The following PLEKHA2 variants were observed in gnomAD, a reference collection of about 807,000 sequenced individuals.
PLEKHA2 encodes the protein pleckstrin homology domain containing A2, also known as pleckstrin homology domain-containing family A member 2.
A neutral mutation model predicts 53.2 loss-of-function variants in PLEKHA2; 28 were observed. The observed-to-expected ratio is 0.53, with a 90% CI of 0.39 to 0.72. The LOEUF is 0.72. Among genes scored for constraint, PLEKHA2 ranks in the 30% least tolerant of loss-of-function variants. The pLI is 0.00. For missense variants in PLEKHA2, 426 were observed against 537.9 expected, an observed-to-expected ratio of 0.79 and a Z score of 2.06; for synonymous variants, 193 against 196.4, an observed-to-expected ratio of 0.98 and a Z score of 0.14.
intron 3 of PLEKHA2, among the ~76,000 whole-genome samples, chr8:38,940,524 A>G (rs1372443905): frequency 6.6e-6 from 1 of 151,990 alleles, no homozygotes; most frequent in African/African-American, 2.4e-5. Context: ...AACAACCAGG[A>G]GTTATGGACC....
rs535798279 is a variant in PLEKHA2, at chr8:38,950,671, G to T, written c.346-179G>T. On this transcript the variant is annotated intron_variant, in intron 5 of 11. Coordinates refer to ENST00000617275, the MANE Select transcript of PLEKHA2 (RefSeq NM_021623.2). ...CAGTTTGTATCTGTGTAGGGGGAGGGCGTTGCTGGTTGAGATGCTCATATT... is the reference window on the plus strand; with the variant it reads ...CAGTTTGTATCTGTGTAGGGGGAGGTCGTTGCTGGTTGAGATGCTCATATT... 5 of 635,556 alleles carry T rather than the reference G, an allele frequency of 7.9e-6. No individual in the cohort carries two copies. The Admixed American group carries it at 1.3e-4, about 16-fold the overall frequency. The allele number at this position is 635,556 out of a possible 1,614,324, so 39.4% of individuals were successfully genotyped here.
chr8:38,944,328 A>G (rs1478856050), intron 4 of PLEKHA2, among the ~76,000 whole-genome samples: 1 of 152,054 alleles, frequency 6.6e-6, no homozygotes, highest in Non-Finnish European at 1.5e-5. Flanking sequence ...CAGCCTGGCC[A>G]ACATAGTGAA....
At chr8:38,919,715 A>G (rs1035881799) in intron 2 of PLEKHA2, among the ~76,000 whole-genome samples, 15 of 152,202 alleles carry the variant, frequency 9.9e-5, no homozygotes, top group Admixed American at 7.2e-4. Context: ...CGGAAAACAT[A>G]CTCAGAAAGT....
In PLEKHA2 at chr8:38,973,739, G is replaced by A. The variant is rs1835295257; in HGVS notation, c.*3956G>A. On this transcript the variant is annotated 3_prime_UTR_variant, in exon 12 of 12. Transcript: ENST00000617275. ...TTATGAAGGGGTAGCATGATTCTGT[G>A]TTTTAAAGCAGTGATGTTTCAGCTG... 1 of 160,696 alleles carries A rather than the reference G, an allele frequency of 6.2e-6. No individual in the cohort carries two copies. The highest frequency in any genetic ancestry group is 6.6e-5 in the Admixed American group (1 of 15,212). The allele number at this position is 160,696 out of a possible 1,614,324, so 10.0% of individuals were successfully genotyped here.
chr8:38,928,815 G>A (rs969306311), intron 2 of PLEKHA2, among the ~76,000 whole-genome samples: 6 of 152,148 alleles, frequency 3.9e-5, no homozygotes, highest in African/African-American at 9.7e-5. Flanking sequence ...TCAGCGTGTC[G>A]TGTGTCCCCG....
At chr8:38,934,673 G>A (rs1834459287) in intron 2 of PLEKHA2, among the ~76,000 whole-genome samples, 1 of 152,160 alleles carries the variant, frequency 6.6e-6, no homozygotes, top group Non-Finnish European at 1.5e-5. Context: ...GCCAAAGATG[G>A]TGTGCCAGGG....
chr8:38,928,958 G>A (rs1045462018), intron 2 of PLEKHA2, among the ~76,000 whole-genome samples: 1 of 152,218 alleles, frequency 6.6e-6, no homozygotes, highest in Non-Finnish European at 1.5e-5. Flanking sequence ...GGTTGCTCAT[G>A]TCAGGGTGAG....
chr8:38,943,023 C>T (rs1323520833), intron 3 of PLEKHA2, among the ~76,000 whole-genome samples: 4 of 152,146 alleles, frequency 2.6e-5, no homozygotes, highest in Non-Finnish European at 5.9e-5. Context: ...TGCTTCATCT[C>T]TCTGAGTGTT....
At chr8:38,958,846 CAA>C (rs993499559) in intron 10 of PLEKHA2, among the ~76,000 whole-genome samples, 81 of 152,168 alleles carry the variant, frequency 5.3e-4, no homozygotes, top group African/African-American at 1.9e-3. Flanking sequence ...ATCCCGAACC[CAA>C]GAGAGAGAGA....
Position 38,968,678 on chromosome 8 carries a change from C to T in PLEKHA2, c.915+9C>T, listed in dbSNP as rs563792057. ...TCAAGTGCCACCCCAGAGTAAGTCA[C>T]TTCCTTTCTGTTGCACAGTGTCAAC... On this transcript the variant is annotated intron_variant, in intron 11 of 11. Coordinates refer to ENST00000617275, the MANE Select transcript of PLEKHA2 (RefSeq NM_021623.2). The T allele has an allele frequency of 4.0e-4, 641 of 1,613,818 alleles. 10 individuals are homozygous for T. In the South Asian group the frequency reaches 6.8e-3, roughly 17 times the overall value.
At chr8:38,953,869 A>C (rs888696874) in intron 9 of PLEKHA2, among the ~76,000 whole-genome samples, 1 of 152,060 alleles carries the variant, frequency 6.6e-6, no homozygotes, top group African/African-American at 2.4e-5. Context: ...TGTTACTCCC[A>C]CTGGGAAGGA....
intron 3 of PLEKHA2, among the ~76,000 whole-genome samples, chr8:38,938,695 G>A (rs1286274487): frequency 6.6e-6 from 1 of 152,174 alleles, no homozygotes; most frequent in African/African-American, 2.4e-5. Context: ...CTGCTGGGGT[G>A]TTCACAGGAC....
At chr8:38,920,094 C>T (rs550576030) in intron 2 of PLEKHA2, among the ~76,000 whole-genome samples, 7 of 152,176 alleles carry the variant, frequency 4.6e-5, no homozygotes, top group African/African-American at 1.4e-4. Context: ...GCCTCAGCCT[C>T]CTCAGTAGCT....
rs182525040 is a variant in PLEKHA2 at position 38,936,175 on chromosome 8, C to T, written c.198+125C>T. On this transcript the variant is annotated intron_variant, in intron 3 of 11. Coordinates refer to ENST00000617275, the MANE Select transcript of PLEKHA2 (RefSeq NM_021623.2). ...ACGTTGCATGGTGTTGAAATGCTCC[C>T]CTGAACCCACACAATGCCTGTGGAG... 3.1e-5 allele frequency: 31 copies of T among 988,978 alleles called. No homozygotes were observed. The African/African-American group carries it at 4.5e-4, about 14-fold the overall frequency. The allele number at this position is 988,978 out of a possible 1,614,324, so 61.3% of individuals were successfully genotyped here. A position where few individuals can be genotyped will look rare whatever the true frequency, so the allele number is the denominator to read the frequency against.
chr8:38,906,318 G>A (rs770795181), intron 1 of PLEKHA2, among the ~76,000 whole-genome samples: 3 of 152,376 alleles, frequency 2.0e-5, no homozygotes, highest in Non-Finnish European at 4.4e-5. Context: ...TGAGGCTGCT[G>A]TGAAGAGAGG....
rs139008320 is a variant in PLEKHA2, at chr8:38,961,012, A to G, written c.837+3626A>G. The G allele has an allele frequency of 4.6e-5, 7 of 152,354 alleles. No homozygotes were observed. The East Asian group carries it at 1.2e-3, about 25-fold the overall frequency. 9.4% of individuals were successfully genotyped at this position (152,354 alleles called of 1,614,324 possible). A position where few individuals can be genotyped will look rare whatever the true frequency, so the allele number is the denominator to read the frequency against. On this transcript the variant is annotated intron_variant, in intron 10 of 11. Transcript: ENST00000617275. Reference sequence around the variant, plus strand: ...GATATTCAAAATGTTGACACATTTTATTATGTACTATCCAAAATCACATCA... The same window carrying G: ...GATATTCAAAATGTTGACACATTTTGTTATGTACTATCCAAAATCACATCA...
chr8:38,961,245 A>G (rs1835034372), intron 10 of PLEKHA2, among the ~76,000 whole-genome samples: 2 of 152,246 alleles, frequency 1.3e-5, no homozygotes. Context: ...CTAAGTAAAA[A>G]TTGTGTTTTA....
rs191818275 is a variant in PLEKHA2 at position 38,926,418 on chromosome 8, C to T, written c.141+8348C>T. On this transcript the variant is annotated intron_variant, in intron 2 of 11. Coordinates refer to ENST00000617275, the MANE Select transcript of PLEKHA2 (RefSeq NM_021623.2). ...TTTTTTAGAGACAGGGTTCTTACTC[C>T]GTCTCCGAGACTGAAGTGTAGTGTG... Among the ~76,000 whole-genome samples the T allele has an allele frequency of 3.4e-5, 5 of 148,428 alleles. 1 individual carries two copies. The highest frequency in any genetic ancestry group is 4.2e-4 in the South Asian group (2 of 4,716).
At chr8:38,947,068 A>G (rs1462766915) in intron 5 of PLEKHA2, among the ~76,000 whole-genome samples, 1 of 152,202 alleles carries the variant, frequency 6.6e-6, no homozygotes, top group Non-Finnish European at 1.5e-5. Context: ...TAGTATTCAT[A>G]TTGCTAGACC....
Sources: gnomAD v4.1 joint callset for allele counts (sites outside exome capture counted in the v4.1 genomes callset) on GRCh38, gnomAD v4.1.1 for gene constraint, MANE v1.5 for transcripts, NCBI Gene and HGNC (gene_info 2026-07-23, HGNC 2026-07-21) for gene names.